The following ARL15 variants were observed in gnomAD, a reference collection of about 807,000 sequenced individuals.
ARL15 encodes ADP-ribosylation factor-like protein 15.
A neutral mutation model predicts 25.2 loss-of-function variants in ARL15; 19 were observed. The ratio of observed to expected loss-of-function variants is 0.75; its 90% CI spans 0.53 to 1.10. The LOEUF is 1.10. Among genes scored for constraint, ARL15 ranks in the 50% least tolerant of loss-of-function variants. The pLI is 0.00. For synonymous variants in ARL15, 94 were observed against 86.8 expected, an observed-to-expected ratio of 1.08 and a Z score of -0.46; for missense variants, 220 against 246.0, an observed-to-expected ratio of 0.89 and a Z score of 0.71.
At chr5:54,297,603 T>A (rs1758498895) in intron 1 of ARL15, among the ~76,000 whole-genome samples, 1 of 152,250 alleles carries the variant, frequency 6.6e-6, no homozygotes, top group Non-Finnish European at 1.5e-5. Flanking sequence ...AGCATAGTAT[T>A]GTGGAAATAA....
At chr5:54,050,074 T>G (rs940153784) in intron 4 of ARL15, among the ~76,000 whole-genome samples, 1 of 152,206 alleles carries the variant, frequency 6.6e-6, no homozygotes, top group Non-Finnish European at 1.5e-5. Context: ...GTTAACACTC[T>G]TCCTCATCTG....
At chr5:54,247,424 G>A (rs1431449373) in intron 1 of ARL15, among the ~76,000 whole-genome samples, 2 of 151,826 alleles carry the variant, frequency 1.3e-5, no homozygotes, top group African/African-American at 2.4e-5. Context: ...TGGTAGGGAG[G>A]ACCCCAGAAC....
rs998798 is a variant in ARL15, at chr5:54,303,399, T to A, written c.48+7033A>T. Among the ~76,000 whole-genome samples, 150 of 152,186 alleles carry A rather than the reference T, an allele frequency of 9.9e-4. 1 individual carries two copies. The highest frequency in any genetic ancestry group is 3.5e-3 in the African/African-American group (147 of 41,504). ...CTAACCATACGCCTGTAGTCCCAGC[T>A]ACTCAGGAGGCTTAGGTGGGATAAT... On this transcript the variant is annotated intron_variant, in intron 1 of 4. Transcript: ENST00000504924.
At chr5:53,940,047 C>T (rs568838994) in intron 4 of ARL15, among the ~76,000 whole-genome samples, 2 of 150,566 alleles carry the variant, frequency 1.3e-5, no homozygotes, top group East Asian at 2.0e-4. Context: ...GGCGCGATCT[C>T]GGCTCACTGC....
intron 3 of ARL15, among the ~76,000 whole-genome samples, chr5:54,136,145 T>C (rs1234488947): frequency 1.3e-5 from 2 of 152,338 alleles, no homozygotes; most frequent in Admixed American, 6.5e-5. Context: ...ATTCCCACTC[T>C]CTTTGTATAC....
chr5:54,212,132 G>C (rs557279071), intron 1 of ARL15, among the ~76,000 whole-genome samples: 195 of 152,298 alleles, frequency 1.3e-3, no homozygotes, highest in Non-Finnish European at 2.2e-3. Context: ...TAGCATGAAG[G>C]CAGCCACAGT....
At chr5:54,087,010 G>A (rs1312526438) in intron 4 of ARL15, among the ~76,000 whole-genome samples, 1 of 152,180 alleles carries the variant, frequency 6.6e-6, no homozygotes, top group Admixed American at 6.5e-5. Context: ...TGATTTTCAT[G>A]TTAAACCTGG....
At chr5:54,094,052 A>G (rs1752209954) in intron 4 of ARL15, among the ~76,000 whole-genome samples, 1 of 152,174 alleles carries the variant, frequency 6.6e-6, no homozygotes, top group Non-Finnish European at 1.5e-5. Context: ...ATTTCAGATG[A>G]TTACCCTAGA....
chr5:54,034,500 TTAAAG>T (rs1390092235), intron 4 of ARL15, among the ~76,000 whole-genome samples: 1 of 152,238 alleles, frequency 6.6e-6, no homozygotes, highest in Non-Finnish European at 1.5e-5. Context: ...ATGCTATTTG[TTAAAG>T]TAAAGGTGGT....
chr5:54,204,933 C>CTTTT lies in ARL15; in HGVS notation c.49-33009_49-33006dup, dbSNP rs5867921. Reference sequence around the variant, plus strand: ...TCATCTTTGCTATCAATTCCCTTGCCTTTTTTTTTTTTTTCCTTGAGATGG... The same window carrying CTTTT: ...TCATCTTTGCTATCAATTCCCTTGCCTTTTTTTTTTTTTTTTTTCCTTGAGATGG... On this transcript the variant is annotated intron_variant, in intron 1 of 4. Coordinates refer to ENST00000504924, the MANE Select transcript of ARL15 (RefSeq NM_019087.3). Among the ~76,000 whole-genome samples the CTTTT allele has an allele frequency of 2.2e-3, 298 of 138,154 alleles. 8 individuals carry two copies. In the East Asian group the frequency reaches 0.023, roughly 11 times the overall value. 90.6% of individuals were successfully genotyped at this position (138,154 alleles called of 152,430 possible). A position where few individuals can be genotyped will look rare whatever the true frequency, so the allele number is the denominator to read the frequency against.
At chr5:54,127,722 G>A (rs1276801245) in intron 3 of ARL15, among the ~76,000 whole-genome samples, 1 of 151,362 alleles carries the variant, frequency 6.6e-6, no homozygotes, top group Non-Finnish European at 1.5e-5. Context: ...TCAATCCTAA[G>A]CCAAAAGAAC....
chr5:54,227,494 T>C (rs979693142), intron 1 of ARL15, among the ~76,000 whole-genome samples: 5 of 152,204 alleles, frequency 3.3e-5, no homozygotes, highest in Admixed American at 6.5e-5. Flanking sequence ...CCAGAAGACT[T>C]GCTCAAACGC....
In ARL15 at chr5:54,294,926, A is replaced by G. The variant is rs538000090; in HGVS notation, c.48+15506T>C. Among the ~76,000 whole-genome samples, 4 of 152,340 alleles carry G rather than the reference A, an allele frequency of 2.6e-5. No individual in the cohort carries two copies. In the South Asian group the frequency reaches 8.3e-4, roughly 32 times the overall value. ...AAGAACTGCTTTAAGACAGATGAGG[A>G]AAAGACTGAATCATCAATGAGCTTA... On this transcript the variant is annotated intron_variant, in intron 1 of 4. Coordinates refer to ENST00000504924, the MANE Select transcript of ARL15 (RefSeq NM_019087.3).
At chr5:54,114,793 AG>A (rs2112223785) in intron 3 of ARL15, among the ~76,000 whole-genome samples, 1 of 152,310 alleles carries the variant, frequency 6.6e-6, no homozygotes, top group Admixed American at 6.5e-5. Context: ...ATTCAAGAAT[AG>A]GAGGGGCAAT....
intron 3 of ARL15, among the ~76,000 whole-genome samples, chr5:54,120,800 T>C (rs1003316090): frequency 7.9e-5 from 12 of 152,306 alleles, no homozygotes; most frequent in Admixed American, 2.6e-4. Flanking sequence ...AAGCAATAAA[T>C]TGGGAAGAGC....
intron 4 of ARL15, among the ~76,000 whole-genome samples, chr5:54,027,269 A>G (rs979014777): frequency 6.6e-6 from 1 of 152,244 alleles, no homozygotes; most frequent in Admixed American, 6.5e-5. Context: ...TGCACCACAC[A>G]AAACAAGCAA....
intron 4 of ARL15, among the ~76,000 whole-genome samples, chr5:54,090,998 GA>G: frequency 6.6e-6 from 1 of 152,254 alleles, no homozygotes; most frequent in East Asian, 1.9e-4. Flanking sequence ...TAAAAAACAA[GA>G]GTTTCTCCAG....
chr5:54,301,162 T>C (rs1224128371), intron 1 of ARL15, among the ~76,000 whole-genome samples: 2 of 152,220 alleles, frequency 1.3e-5, no homozygotes, highest in African/African-American at 4.8e-5. Flanking sequence ...TCCCTCCAGA[T>C]AGACTATGCT....
At chr5:54,059,952 T>C (rs72750234) in intron 4 of ARL15, among the ~76,000 whole-genome samples, 1 of 151,880 alleles carries the variant, frequency 6.6e-6, no homozygotes, top group Non-Finnish European at 1.5e-5. Flanking sequence ...TTGGTGATAA[T>C]GAATATAAAT....
Sources: allele counts gnomAD v4.1 joint callset (sites outside exome capture counted in the v4.1 genomes callset), GRCh38; gene constraint gnomAD v4.1.1; transcripts MANE v1.5; gene names NCBI Gene and HGNC (gene_info 2026-07-23, HGNC 2026-07-21).